Variants in NEDD4L observed in about 807,000 individuals in gnomAD.
NEDD4L encodes the protein NEDD4 like E3 ubiquitin protein ligase.
In NEDD4L, 54 loss-of-function variants were observed where a neutral mutation model predicts 148.9. The observed-to-expected ratio is 0.36, with a 90% CI of 0.29 to 0.45. The LOEUF is 0.45. Among genes scored for constraint, NEDD4L ranks in the 20% least tolerant of loss-of-function variants. NEDD4L has a pLI of 1.00. For synonymous variants in NEDD4L, 433 were observed against 440.7 expected (o/e 0.98, Z 0.22); for missense variants, 856 against 1,233.8 (o/e 0.69, Z 4.59).
intron 1 of NEDD4L, among the ~76,000 whole-genome samples, chr18:58,117,137 C>T (rs955034551): frequency 5.9e-5 from 9 of 152,262 alleles, no homozygotes; most frequent in East Asian, 3.9e-4. Context: ...TTTGCAGAAC[C>T]GCCTCTTTGC....
At chr18:58,359,720 G>A (rs2045224723) in intron 19 of NEDD4L, among the ~76,000 whole-genome samples, 2 of 152,118 alleles carry the variant, frequency 1.3e-5, no homozygotes, top group Non-Finnish European at 2.9e-5. Flanking sequence ...GTGGTCTGCT[G>A]ACCAGAGTAT....
chr18:58,115,429 G>C (rs949036721), intron 1 of NEDD4L, among the ~76,000 whole-genome samples: 1 of 151,750 alleles, frequency 6.6e-6, no homozygotes, highest in East Asian at 1.9e-4. Flanking sequence ...AAACATAGGA[G>C]GTTAGTTGCA....
intron 2 of NEDD4L, among the ~76,000 whole-genome samples, chr18:58,233,121 T>C (rs1232791762): frequency 6.6e-6 from 1 of 152,238 alleles, no homozygotes; most frequent in African/African-American, 2.4e-5. Flanking sequence ...CTTCATTCAA[T>C]GCTTTGTGCC....
In NEDD4L at chr18:58,264,347, A is replaced by G. The variant is rs1262107315; in HGVS notation, c.297+12293A>G. Among the ~76,000 whole-genome samples, 6 of 152,104 alleles carry G rather than the reference A, an allele frequency of 3.9e-5. 1 individual carries two copies. The highest frequency in any genetic ancestry group is 4.4e-5 in the Non-Finnish European group (3 of 67,980). ...AAGAGAAGCTCCTGCATTCTGCAGT[A>G]TGGCATTTTTCTCCAGCTAATGTAT... On this transcript the variant is annotated intron_variant, in intron 5 of 30. Coordinates refer to ENST00000400345, the MANE Select transcript of NEDD4L (RefSeq NM_001144967.3).
chr18:58,092,324 C>A (rs1437655052), intron 1 of NEDD4L, among the ~76,000 whole-genome samples: 1 of 152,160 alleles, frequency 6.6e-6, no homozygotes, highest in African/African-American at 2.4e-5. Flanking sequence ...TTCAGATCCC[C>A]ATGGGTGTAT....
chr18:58,217,950 T>C (rs1038105798), intron 2 of NEDD4L, among the ~76,000 whole-genome samples: 2 of 152,202 alleles, frequency 1.3e-5, no homozygotes, highest in Non-Finnish European at 2.9e-5. Context: ...GGCTGCAGAG[T>C]ATGGATAAAT....
chr18:58,172,600 T>C (rs2037647146), intron 2 of NEDD4L, among the ~76,000 whole-genome samples: 1 of 152,242 alleles, frequency 6.6e-6, no homozygotes, highest in Admixed American at 6.5e-5. Flanking sequence ...GTTGTAGAGC[T>C]AGGTATTGAA....
chr18:58,103,238 T>C (rs1270789133), intron 1 of NEDD4L, among the ~76,000 whole-genome samples: 1 of 144,582 alleles, frequency 6.9e-6, no homozygotes, highest in Non-Finnish European at 1.5e-5. Context: ...ATATTACATA[T>C]ACATATTATA....
At chr18:58,149,554 G>T (rs1307483503) in intron 1 of NEDD4L, 1 of 1,548,558 alleles carries the variant, frequency 6.5e-7, no homozygotes. Context: ...TCTCGCATTT[G>T]AGCAGGTAAC....
Position 58,245,483 on chromosome 18 carries a change from T to A in NEDD4L, c.179T>A (p.Leu60Ter). ...GCGGATGAGAATAGAGAACTTGCTT[T>A]GGTCCAGACAAAAACAATTAAAAAG... ...YVADENRELALVQTKTIKKTL... is the reference protein window; with the variant it reads ...YVADENRELA Residue 60 changes from leucine to a stop codon, truncating the protein, a stop_gained, in exon 3 of 31, where the codon TTG becomes TAG. Transcript: ENST00000400345. LOFTEE classifies it high-confidence loss of function. 6.3e-7 allele frequency: 1 copy of A among 1,580,990 alleles called. No individual in the cohort carries two copies. The highest frequency in any genetic ancestry group is 8.6e-7 in the Non-Finnish European group (1 of 1,156,192).
intron 2 of NEDD4L, among the ~76,000 whole-genome samples, chr18:58,191,156 G>A (rs554260993): frequency 6.6e-6 from 1 of 152,228 alleles, no homozygotes; most frequent in South Asian, 2.1e-4. Context: ...AAAAACTAGT[G>A]ATAAAAAGAA....
chr18:58,057,788 A>G (rs1413550616), intron 1 of NEDD4L, among the ~76,000 whole-genome samples: 1 of 152,168 alleles, frequency 6.6e-6, no homozygotes, highest in Non-Finnish European at 1.5e-5. Flanking sequence ...TAAGTCCCAC[A>G]GCCCTGCTAA....
chr18:58,234,513 A>AG (rs2045773199), intron 2 of NEDD4L, among the ~76,000 whole-genome samples: 1 of 151,648 alleles, frequency 6.6e-6, no homozygotes, highest in African/African-American at 2.4e-5. Context: ...AAAAAAAAAA[A>AG]TCGTAGAGAT....
chr18:58,232,563 T>C (rs1397878479), intron 2 of NEDD4L, among the ~76,000 whole-genome samples: 4 of 152,246 alleles, frequency 2.6e-5, no homozygotes, highest in African/African-American at 7.2e-5. Context: ...CCTGCCGTAA[T>C]TGATCTGTGT....
rs533383610 is a variant in NEDD4L, at chr18:58,357,611, C to T, written c.1767+359C>T. Among the ~76,000 whole-genome samples, 4 of 152,162 alleles carry T rather than the reference C, an allele frequency of 2.6e-5. No homozygotes were observed. In the South Asian group the frequency reaches 8.3e-4, roughly 32 times the overall value. ...CATAAAGTGTTATCATTTCTTTAGG[C>T]CAGGAGTAGTAAATGTATGCCAAAA... On this transcript the variant is annotated intron_variant, in intron 19 of 30. Transcript: ENST00000400345.
At chr18:58,084,671 T>TGTG (rs1555686019) in intron 1 of NEDD4L, among the ~76,000 whole-genome samples, 17 of 133,738 alleles carry the variant, frequency 1.3e-4, no homozygotes, top group Non-Finnish European at 2.2e-4. Flanking sequence ...TGTGGGGTTT[T>TGTG]TGTGTGTGTG....
At chr18:58,234,358 G>T (rs2148216964) in intron 2 of NEDD4L, among the ~76,000 whole-genome samples, 1 of 133,698 alleles carries the variant, frequency 7.5e-6, no homozygotes, top group South Asian at 2.3e-4. Flanking sequence ...CTCCCTCAGG[G>T]TCTTGTTCTG....
rs183664762 is a variant in NEDD4L, at chr18:58,200,575, A to G, written c.122+34714A>G. Among the ~76,000 whole-genome samples the G allele has an allele frequency of 9.2e-5, 14 of 152,364 alleles. No individual in the cohort carries two copies. The East Asian group carries it at 2.7e-3, about 29-fold the overall frequency. On this transcript the variant is annotated intron_variant, in intron 2 of 30. Coordinates refer to ENST00000400345, the MANE Select transcript of NEDD4L (RefSeq NM_001144967.3). ...ATTTTCGTATTAAGATAACGTGGATATGTTATGGAACAAAGTTAAAAATTA... is the reference window on the plus strand; with the variant it reads ...ATTTTCGTATTAAGATAACGTGGATGTGTTATGGAACAAAGTTAAAAATTA...
chr18:58,382,750 A>C (rs2048517238), intron 24 of NEDD4L, among the ~76,000 whole-genome samples: 1 of 152,196 alleles, frequency 6.6e-6, no homozygotes, highest in African/African-American at 2.4e-5. Context: ...CAAAAACCAG[A>C]TAAATCTGTC....
Sources: gnomAD v4.1 joint callset for allele counts (sites outside exome capture counted in the v4.1 genomes callset) on GRCh38, gnomAD v4.1.1 for gene constraint, MANE v1.5 for transcripts, NCBI Gene and HGNC (gene_info 2026-07-23, HGNC 2026-07-21) for gene names.